Variants in MGAT4C observed in about 807,000 individuals in gnomAD.
MGAT4C encodes MGAT4 family member C, also known as alpha-1,3-mannosyl-glycoprotein 4-beta-N-acetylglucosaminyltransferase C.
Under a neutral mutation model 40.1 loss-of-function variants are expected in MGAT4C, and 19 were observed. The observed-to-expected ratio is 0.47, with a 90% CI of 0.33 to 0.70. The LOEUF (loss-of-function observed/expected upper bound fraction) is 0.70, where lower values mean the gene tolerates loss of function less well. MGAT4C is among the 30% of genes least tolerant of loss of function. MGAT4C has a pLI of 0.02. For synonymous variants in MGAT4C, 181 were observed against 187.1 expected (o/e 0.97, Z 0.27); for missense variants, 491 against 563.2 (o/e 0.87, Z 1.30).
At position 85,962,445 on chromosome 12, in the gene MGAT4C, TATAAA is replaced by T. The variant is rs1342927213; in HGVS notation, c.*16839_*16843del. The T allele has an allele frequency of 6.8e-6, 1 of 148,120 alleles. No individual in the cohort carries two copies. Among genetic ancestry groups the T allele is most frequent in the African/African-American group, 2.4e-5 (1 of 40,866 alleles). The allele number at this position is 148,120 out of a possible 1,614,324, so 9.2% of individuals were successfully genotyped here. ...AATTATATAAAATTTTATAATTAAT[TATAAA>T]ATAAAATATTAACAATAATTGAACA... is the stretch of plus-strand genomic sequence containing the variant. On this transcript the variant is annotated 3_prime_UTR_variant, in exon 5 of 5. Coordinates refer to ENST00000611864, the MANE Select transcript of MGAT4C (RefSeq NM_001351288.2).
chr12:86,012,801 C>CA (rs1470387334), intron 2 of MGAT4C, among the ~76,000 whole-genome samples: 1 of 150,416 alleles, frequency 6.6e-6, no homozygotes. Context: ...ACCACCACCA[C>CA]CACCACCACC....
intron 2 of MGAT4C, among the ~76,000 whole-genome samples, chr12:86,466,951 T>C (rs1038669754): frequency 2.0e-5 from 3 of 152,238 alleles, no homozygotes; most frequent in African/African-American, 7.2e-5. Context: ...CTGGTATTTA[T>C]GTGAATCTGC....
chr12:86,382,129 A>G (rs1408133081), intron 3 of MGAT4C, among the ~76,000 whole-genome samples: 1 of 152,256 alleles, frequency 6.6e-6, no homozygotes, highest in Admixed American at 6.5e-5. Flanking sequence ...ATGTGGGAAC[A>G]TTTGGAACTC....
intron 3 of MGAT4C, among the ~76,000 whole-genome samples, chr12:86,360,844 A>G: frequency 6.6e-6 from 1 of 150,498 alleles, no homozygotes; most frequent in Non-Finnish European, 1.5e-5. Context: ...AGAGGATACA[A>G]ACAAATGGAC....
chr12:86,734,113 T>C (rs915054056), intron 1 of MGAT4C, among the ~76,000 whole-genome samples: 4 of 151,998 alleles, frequency 2.6e-5, no homozygotes, highest in African/African-American at 7.2e-5. Context: ...GTGGCAAAAT[T>C]AAATGAAAGT....
Position 86,694,207 on chromosome 12 carries a change from C to A in MGAT4C, c.-229+33002G>T, listed in dbSNP as rs554191054. On this transcript the variant is annotated intron_variant, in intron 2 of 7. Transcript: ENST00000548651. ...ATATTTCAGATCTTCTTTTCTCTGC[C>A]CTAGTTACCACCTCTACATCAATTA... is the stretch of plus-strand genomic sequence containing the variant. 3.3e-5 allele frequency among the ~76,000 whole-genome samples: 5 copies of A among 152,062 alleles called. No homozygotes were observed. The South Asian group carries it at 1.0e-3, about 32-fold the overall frequency.
intron 1 of MGAT4C, among the ~76,000 whole-genome samples, chr12:86,212,763 T>G (rs2471558): frequency 0.56 from 53,459 of 95,520 alleles, 15,148 homozygotes; most frequent in South Asian, 0.64. Flanking sequence ...GTAGTGGCGG[T>G]CGCCTGTAGT....
At chr12:86,769,678 T>A (rs1051454988) in intron 1 of MGAT4C, among the ~76,000 whole-genome samples, 3 of 152,068 alleles carry the variant, frequency 2.0e-5, no homozygotes, top group Non-Finnish European at 4.4e-5. Flanking sequence ...TGGAATACTA[T>A]GCAGCCATAA....
chr12:86,029,950 TAAC>T (rs1358110182), intron 2 of MGAT4C, among the ~76,000 whole-genome samples: 2 of 151,806 alleles, frequency 1.3e-5, no homozygotes, highest in Admixed American at 6.6e-5. Context: ...TTAAGTTTCT[TAAC>T]AACAAGTAGC....
At chr12:86,104,566 G>A (rs909629063) in intron 1 of MGAT4C, among the ~76,000 whole-genome samples, 1 of 152,136 alleles carries the variant, frequency 6.6e-6, no homozygotes, top group Non-Finnish European at 1.5e-5. Flanking sequence ...GATATAACAA[G>A]CTGGAAGAAA....
At chr12:86,665,395 G>A (rs1234561536) in intron 2 of MGAT4C, among the ~76,000 whole-genome samples, 3 of 147,872 alleles carry the variant, frequency 2.0e-5, no homozygotes, top group African/African-American at 7.5e-5. Flanking sequence ...TTTTTTTTTT[G>A]AGACGGAGCC....
Position 86,200,130 on chromosome 12 carries a change from T to TA in MGAT4C, c.-57+56108_-57+56109insT, listed in dbSNP as rs200847947. Among the ~76,000 whole-genome samples, 27 of 83,790 alleles carry TA rather than the reference T, an allele frequency of 3.2e-4. 1 individual carries two copies. The highest frequency in any genetic ancestry group is 3.1e-3 in the Admixed American group (19 of 6,054). The allele number at this position is 83,790 out of a possible 152,430, so 55.0% of individuals were successfully genotyped here. The stretch of plus-strand genomic sequence containing the variant: ...ATGGCACAAATAGTATGTATTTGTT[T>TA]TTTTTTTTTTTTTTTTTGATCTGGC... On this transcript the variant is annotated intron_variant, in intron 1 of 4. Coordinates refer to ENST00000611864, the MANE Select transcript of MGAT4C (RefSeq NM_001351288.2).
Position 86,317,149 on chromosome 12 carries a change from T to C in MGAT4C, c.-57+16916A>G, listed in dbSNP as rs565802641. Among the ~76,000 whole-genome samples, 10 of 152,198 alleles carry C rather than the reference T, an allele frequency of 6.6e-5. No individual in the cohort carries two copies. The East Asian group carries it at 1.9e-3, about 29-fold the overall frequency. On this transcript the variant is annotated intron_variant, in intron 4 of 7. Transcript: ENST00000548651. ...AAGGCTAATATTTTATACTTTCAAC[T>C]TTTATAGTCAATCTATTCACAAAAG...
At chr12:86,761,583 ATTAAG>A (rs1482087932) in intron 1 of MGAT4C, among the ~76,000 whole-genome samples, 1 of 152,206 alleles carries the variant, frequency 6.6e-6, no homozygotes, top group Non-Finnish European at 1.5e-5. Flanking sequence ...AATCAGTTTT[ATTAAG>A]TTGAGTTAAA....
intron 2 of MGAT4C, among the ~76,000 whole-genome samples, chr12:86,581,874 CTA>C (rs1288040290): frequency 1.3e-5 from 2 of 151,426 alleles, no homozygotes; most frequent in Admixed American, 1.3e-4. Context: ...CTAGATAAAA[CTA>C]TGCTCACCTT....
intron 1 of MGAT4C, among the ~76,000 whole-genome samples, chr12:86,779,868 G>A (rs1951808596): frequency 3.9e-5 from 6 of 151,910 alleles, no homozygotes; most frequent in Admixed American, 3.9e-4. Context: ...AGCAGAGATT[G>A]CGCCACTGTA....
chr12:85,977,980 T>A lies in MGAT4C; in HGVS notation c.*1309A>T, dbSNP rs1884136452. 1 of 143,638 alleles carries A rather than the reference T, an allele frequency of 7.0e-6. No homozygotes were observed. The highest frequency in any genetic ancestry group is 2.5e-5 in the African/African-American group (1 of 40,812). The allele number at this position is 143,638 out of a possible 1,614,324, so 8.9% of individuals were successfully genotyped here. On this transcript the variant is annotated 3_prime_UTR_variant, in exon 5 of 5. Transcript: ENST00000611864. ...GCTCAGGACATTCTGAAAACCAATG[T>A]CTTTAGGACACACTAAGGTGTCCTG...
At chr12:86,690,322 A>C (rs968729340) in intron 2 of MGAT4C, among the ~76,000 whole-genome samples, 2 of 152,126 alleles carry the variant, frequency 1.3e-5, no homozygotes, top group Non-Finnish European at 2.9e-5. Flanking sequence ...AGGGCAGTGA[A>C]TGATTCTGTC....
At chr12:86,699,053 A>G (rs768846336) in intron 2 of MGAT4C, among the ~76,000 whole-genome samples, 7 of 152,152 alleles carry the variant, frequency 4.6e-5, no homozygotes, top group Non-Finnish European at 1.0e-4. Flanking sequence ...TATATTGCAA[A>G]AGAAATGTTA....
Sources: allele counts gnomAD v4.1 joint callset (sites outside exome capture counted in the v4.1 genomes callset), GRCh38; gene constraint gnomAD v4.1.1; transcripts MANE v1.5; gene names NCBI Gene and HGNC (gene_info 2026-07-23, HGNC 2026-07-21).